The following TSHZ2 variants were observed in gnomAD, a reference collection of about 807,000 sequenced individuals.
TSHZ2 encodes teashirt zinc finger homeobox 2.
In TSHZ2, 21 loss-of-function variants were observed where a neutral mutation model predicts 74.4. The observed-to-expected ratio is 0.28, with a 90% CI of 0.20 to 0.41. TSHZ2 has a LOEUF of 0.41. TSHZ2 is among the 10% of genes least tolerant of loss of function. TSHZ2 has a pLI of 1.00. For synonymous variants in TSHZ2, 540 were observed against 515.3 expected, an observed-to-expected ratio of 1.05 and a Z score of -0.65; for missense variants, 1,244 against 1,293.5, an observed-to-expected ratio of 0.96 and a Z score of 0.59.
At chr20:53,436,494 C>T (rs564528156) in intron 2 of TSHZ2, among the ~76,000 whole-genome samples, 1 of 150,756 alleles carries the variant, frequency 6.6e-6, no homozygotes, top group African/African-American at 2.4e-5. Flanking sequence ...GAAGATGCCA[C>T]GGATCTGGCC....
At chr20:53,477,848 G>A (rs942222167) in intron 2 of TSHZ2, among the ~76,000 whole-genome samples, 166 of 150,342 alleles carry the variant, frequency 1.1e-3, no homozygotes, top group Non-Finnish European at 2.1e-3. Flanking sequence ...AAAAGTGGGC[G>A]AAGGACATGA....
intron 1 of TSHZ2, among the ~76,000 whole-genome samples, chr20:52,979,582 C>T (rs1165284760): frequency 6.6e-6 from 1 of 152,072 alleles, no homozygotes; most frequent in African/African-American, 2.4e-5. Context: ...ATATTTGTTT[C>T]CAAAGCAAAC....
intron 1 of TSHZ2, among the ~76,000 whole-genome samples, chr20:53,249,605 T>C (rs1175590181): frequency 1.1e-4 from 17 of 152,154 alleles, no homozygotes; most frequent in Admixed American, 1.0e-3. Context: ...TATGTGATGG[T>C]GCAGACAAAG....
chr20:53,401,765 A>T (rs1275475893), intron 2 of TSHZ2, among the ~76,000 whole-genome samples: 2 of 149,642 alleles, frequency 1.3e-5, no homozygotes, highest in Non-Finnish European at 3.0e-5. Flanking sequence ...TATATATACA[A>T]CACATTTTCT....
intron 2 of TSHZ2, among the ~76,000 whole-genome samples, chr20:53,391,156 G>T (rs464743): frequency 0.052 from 3,258 of 62,920 alleles, 80 homozygotes; most frequent in African/African-American, 0.14. Flanking sequence ...TTTTGTTTTG[G>T]TTTGGTTTGA....
chr20:53,426,828 G>T (rs1389056012), intron 2 of TSHZ2, among the ~76,000 whole-genome samples: 1 of 152,140 alleles, frequency 6.6e-6, no homozygotes, highest in African/African-American at 2.4e-5. Flanking sequence ...TCTCTTTGTG[G>T]CCCAGAGACA....
intron 2 of TSHZ2, among the ~76,000 whole-genome samples, chr20:53,472,488 G>A (rs1985841510): frequency 1.3e-5 from 2 of 152,134 alleles, no homozygotes; most frequent in Admixed American, 6.5e-5. Context: ...CACCCTGTTT[G>A]GGGAAAGGTT....
intron 1 of TSHZ2, among the ~76,000 whole-genome samples, chr20:53,037,421 G>T (rs1983861779): frequency 6.6e-6 from 1 of 152,188 alleles, no homozygotes; most frequent in South Asian, 2.1e-4. Flanking sequence ...AACGTGAAAA[G>T]ACATGGACCT....
intron 2 of TSHZ2, among the ~76,000 whole-genome samples, chr20:53,286,886 TAC>T (rs71194467): frequency 0.14 from 18,946 of 139,126 alleles, 1,479 homozygotes; most frequent in East Asian, 0.38. Flanking sequence ...GTCTCAAAAA[TAC>T]ACACACACAC....
intron 2 of TSHZ2, among the ~76,000 whole-genome samples, chr20:53,262,693 A>T (rs1990627802): frequency 6.6e-6 from 1 of 152,214 alleles, no homozygotes; most frequent in Non-Finnish European, 1.5e-5. Context: ...GTTAAATGAT[A>T]TGTAGGCCAG....
chr20:53,322,317 A>C (rs1979303209), intron 2 of TSHZ2, among the ~76,000 whole-genome samples: 1 of 152,196 alleles, frequency 6.6e-6, no homozygotes. Context: ...GTTCAAGACC[A>C]GCCTGGCCAA....
intron 1 of TSHZ2, among the ~76,000 whole-genome samples, chr20:53,093,423 C>T (rs6097230): frequency 0.16 from 24,056 of 152,196 alleles, 2,284 homozygotes; most frequent in African/African-American, 0.27. Flanking sequence ...TGGTTTCCCA[C>T]GCCTTTCACT....
At chr20:53,480,591 T>G (rs994281701) in intron 2 of TSHZ2, among the ~76,000 whole-genome samples, 19 of 146,146 alleles carry the variant, frequency 1.3e-4, no homozygotes, top group Middle Eastern at 3.2e-3. Flanking sequence ...AAGAAAAAAA[T>G]AAAAAATGGG....
intron 1 of TSHZ2, among the ~76,000 whole-genome samples, chr20:53,080,904 G>A (rs1020815367): frequency 2.6e-5 from 4 of 152,172 alleles, no homozygotes; most frequent in Admixed American, 1.3e-4. Flanking sequence ...GTTTAATTGA[G>A]GCAGCCACGG....
chr20:53,349,784 A>G (rs1980578048), intron 2 of TSHZ2, among the ~76,000 whole-genome samples: 1 of 152,196 alleles, frequency 6.6e-6, no homozygotes, highest in East Asian at 1.9e-4. Flanking sequence ...ATTCATTCTT[A>G]TATTCTTATT....
intron 2 of TSHZ2, among the ~76,000 whole-genome samples, chr20:53,484,812 A>G (rs1986252385): frequency 6.6e-6 from 1 of 152,192 alleles, no homozygotes; most frequent in Non-Finnish European, 1.5e-5. Flanking sequence ...CTTACCAAGG[A>G]ATAGTTTCAA....
intron 1 of TSHZ2, among the ~76,000 whole-genome samples, chr20:53,190,842 G>A (rs1248082614): frequency 1.3e-5 from 2 of 152,120 alleles, no homozygotes; most frequent in Non-Finnish European, 1.5e-5. Flanking sequence ...TCACCCTACC[G>A]AGGGCAGAAT....
chr20:53,028,781 C>T (rs1216473221), intron 1 of TSHZ2, among the ~76,000 whole-genome samples: 1 of 152,108 alleles, frequency 6.6e-6, no homozygotes, highest in Non-Finnish European at 1.5e-5. Flanking sequence ...CTCTGGCCTG[C>T]ACTCTGGAGA....
chr20:53,146,298 T>C (rs1184384821), intron 1 of TSHZ2, among the ~76,000 whole-genome samples: 5 of 152,134 alleles, frequency 3.3e-5, no homozygotes, highest in Admixed American at 6.5e-5. Flanking sequence ...CCACCAGTGG[T>C]GTGATGGATG....
Sources: gnomAD v4.1 joint callset for allele counts (sites outside exome capture counted in the v4.1 genomes callset) on GRCh38, gnomAD v4.1.1 for gene constraint, MANE v1.5 for transcripts, NCBI Gene and HGNC (gene_info 2026-07-23, HGNC 2026-07-21) for gene names.